The following RNASEH2B variants were observed in gnomAD, a reference collection of about 807,000 sequenced individuals.
The protein encoded by RNASEH2B is ribonuclease H2 subunit B.
Under a neutral mutation model 45.0 loss-of-function variants are expected in RNASEH2B, and 36 were observed. The observed-to-expected ratio is 0.80, with a 90% confidence interval of 0.61 to 1.06. RNASEH2B has a LOEUF of 1.06. Ranked by LOEUF, RNASEH2B falls within the 50% of genes least tolerant of loss-of-function variation. RNASEH2B has a pLI of 0.00. For missense variants in RNASEH2B, 361 were observed against 360.3 expected (o/e 1.00, Z -0.02); for synonymous variants, 119 against 125.7 (o/e 0.95, Z 0.35).
chr13:50,953,687 C>T (rs1952004711), intron 9 of RNASEH2B: 1 of 588,412 alleles, frequency 1.7e-6, no homozygotes, highest in Non-Finnish European at 3.0e-6. Context: ...CAATCATATC[C>T]ACCATCACCA....
intron 1 of RNASEH2B, among the ~76,000 whole-genome samples, chr13:50,915,978 T>G (rs1215541449): frequency 6.6e-6 from 1 of 152,174 alleles, no homozygotes; most frequent in East Asian, 1.9e-4. Flanking sequence ...TAACCTTCTT[T>G]TGACCAGTTA....
chr13:50,946,227 A>G (rs1176064388), intron 7 of RNASEH2B, among the ~76,000 whole-genome samples: 1 of 152,232 alleles, frequency 6.6e-6, no homozygotes, highest in East Asian at 1.9e-4. Context: ...GAACAGCTAT[A>G]TAATGCAGTT....
At chr13:50,924,774 C>A (rs1036621953) in intron 1 of RNASEH2B, among the ~76,000 whole-genome samples, 1 of 152,168 alleles carries the variant, frequency 6.6e-6, no homozygotes, top group African/African-American at 2.4e-5. Context: ...TCTTGAACTC[C>A]TGGGCTCAAG....
intron 5 of RNASEH2B, chr13:50,937,275 G>A (rs555539651): frequency 7.2e-5 from 11 of 152,166 alleles, no homozygotes; most frequent in African/African-American, 2.7e-4. Context: ...AGGATGGAAT[G>A]CAGTGGCACA....
chr13:50,928,034 A>G (rs941652304), intron 2 of RNASEH2B, among the ~76,000 whole-genome samples: 2 of 151,618 alleles, frequency 1.3e-5, no homozygotes, highest in Non-Finnish European at 2.9e-5. Flanking sequence ...GAAGGGATTC[A>G]TATCTTATTG....
chr13:50,960,206 A>C, downstream of RNASEH2B: 1 of 907,432 alleles, frequency 1.1e-6, no homozygotes. Context: ...TTATCTTTTA[A>C]ATAACCAGTT....
intron 9 of RNASEH2B, among the ~76,000 whole-genome samples, chr13:50,964,580 A>G (rs61333791): frequency 0.01 from 1,558 of 152,266 alleles, 26 homozygotes; most frequent in African/African-American, 0.036. Flanking sequence ...CACAATAGGA[A>G]CTCTGTACCA....
chr13:50,949,656 C>G (rs954779362), intron 9 of RNASEH2B, 151 bp downstream of exon 9: 11 of 671,298 alleles, frequency 1.6e-5, no homozygotes, highest in East Asian at 1.4e-4. Context: ...GTACTGGGCT[C>G]TCCATCACTA....
chr13:50,910,925 G>GTAAATATACTC (rs1203635919), intron 1 of RNASEH2B: 1 of 152,234 alleles, frequency 6.6e-6, no homozygotes, highest in Non-Finnish European at 1.5e-5. Context: ...AGCAAATGCA[G>GTAAATATACTC]TGTTTGTGGC....
At chr13:50,943,672 A>C (rs1158594300) in intron 6 of RNASEH2B, among the ~76,000 whole-genome samples, 1 of 150,978 alleles carries the variant, frequency 6.6e-6, no homozygotes, top group Non-Finnish European at 1.5e-5. Flanking sequence ...TGTAGATTTG[A>C]GTCTTCCAAG....
chr13:50,944,570 A>G (rs956266888), intron 6 of RNASEH2B, among the ~76,000 whole-genome samples: 8 of 152,200 alleles, frequency 5.3e-5, no homozygotes, highest in Admixed American at 5.2e-4. Flanking sequence ...GTATACCTGT[A>G]TGACAAACCT....
chr13:50,956,970 C>T (rs1952059136), downstream of RNASEH2B, among the ~76,000 whole-genome samples: 1 of 149,788 alleles, frequency 6.7e-6, no homozygotes, highest in African/African-American at 2.5e-5. Context: ...GCGATCTCGG[C>T]TCACTTTTTA....
chr13:50,919,514 G>T (rs1176863993), intron 1 of RNASEH2B, among the ~76,000 whole-genome samples: 2 of 152,168 alleles, frequency 1.3e-5, no homozygotes, highest in African/African-American at 4.8e-5. Flanking sequence ...GCAATAGCTG[G>T]ATTGCAGCTG....
At chr13:50,929,061 G>T (rs1250109579) in intron 2 of RNASEH2B, among the ~76,000 whole-genome samples, 2 of 151,660 alleles carry the variant, frequency 1.3e-5, no homozygotes, top group African/African-American at 4.8e-5. Context: ...TTGGCCTGTG[G>T]CTTGGTCCCT....
chr13:50,928,354 C>G (rs548732972), intron 2 of RNASEH2B: 2 of 152,258 alleles, frequency 1.3e-5, no homozygotes, highest in Non-Finnish European at 2.9e-5. Flanking sequence ...CTGACTTTCT[C>G]CAGTGTTCTT....
chr13:50,968,874 C>T (rs765893878), intron 9 of RNASEH2B, among the ~76,000 whole-genome samples: 11 of 152,062 alleles, frequency 7.2e-5, no homozygotes, highest in African/African-American at 1.7e-4. Flanking sequence ...AAATGGGGGA[C>T]GGCACCAAAT....
chr13:50,916,060 T>C (rs4941677), intron 1 of RNASEH2B, among the ~76,000 whole-genome samples: 93,568 of 151,352 alleles, frequency 0.62, 29,477 homozygotes, highest in African/African-American at 0.71. Context: ...AATAATAATA[T>C]TTACCCAGTA....
intron 10 of RNASEH2B, chr13:50,956,066 C>T: frequency 6.2e-6 from 2 of 323,958 alleles, no homozygotes; most frequent in South Asian, 6.5e-5. Flanking sequence ...TGTTATTGTA[C>T]TTTATGCACC....
chr13:50,920,785 T>A (rs1292137442), intron 1 of RNASEH2B, among the ~76,000 whole-genome samples: 1 of 152,242 alleles, frequency 6.6e-6, no homozygotes, highest in Non-Finnish European at 1.5e-5. Flanking sequence ...TATAATTTTT[T>A]ATTGAGTTTT....
Sources: allele counts gnomAD v4.1 joint callset (sites outside exome capture counted in the v4.1 genomes callset), GRCh38; gene constraint gnomAD v4.1.1; transcripts MANE v1.5; gene names NCBI Gene and HGNC (gene_info 2026-07-23, HGNC 2026-07-21).